GCC2: variants seen among roughly 807,000 people sequenced by gnomAD.
The protein encoded by GCC2 is GRIP and coiled-coil domain-containing protein 2.
In GCC2, 120 loss-of-function variants were observed where a neutral mutation model predicts 210.6. The observed-to-expected ratio is 0.57, with a 90% CI of 0.49 to 0.66. GCC2 has a LOEUF of 0.66. Among genes scored for constraint, GCC2 ranks in the 30% least tolerant of loss-of-function variants. The pLI, the probability that GCC2 is intolerant of heterozygous loss-of-function variation, is 0.00. For synonymous variants in GCC2, 703 were observed against 652.7 expected, an observed-to-expected ratio of 1.08 and a Z score of -1.17; for missense variants, 1,868 against 1,871.9, an observed-to-expected ratio of 1.00 and a Z score of 0.04.
chr2:108,486,345 T>G, intron 15 of GCC2, 166 bp from the exon 16 acceptor site: 1 of 687,398 alleles, frequency 1.5e-6, no homozygotes, highest in East Asian at 2.7e-5. Flanking sequence ...TAGAAAATGT[T>G]CTACTTGTCT....
chr2:108,503,064 A>G (rs1351167335), intron 22 of GCC2, among the ~76,000 whole-genome samples: 1 of 152,202 alleles, frequency 6.6e-6, no homozygotes, highest in African/African-American at 2.4e-5. Flanking sequence ...AGGAGAGAAA[A>G]GAATACAGCA....
At chr2:108,466,609 A>G (rs1005513915) in intron 4 of GCC2, among the ~76,000 whole-genome samples, 7 of 151,688 alleles carry the variant, frequency 4.6e-5, no homozygotes, top group Non-Finnish European at 8.8e-5. Flanking sequence ...AGTAGCTGGG[A>G]GTACAGGCGC....
intron 9 of GCC2, among the ~76,000 whole-genome samples, chr2:108,477,523 A>G (rs1359076926): frequency 1.3e-5 from 2 of 152,226 alleles, no homozygotes; most frequent in African/African-American, 4.8e-5. Flanking sequence ...GTCTCGTTCC[A>G]GATCTATTGT....
intron 12 of GCC2, among the ~76,000 whole-genome samples, chr2:108,483,587 T>A (rs1345213855): frequency 1.3e-5 from 2 of 152,216 alleles, no homozygotes; most frequent in African/African-American, 4.8e-5. Context: ...CTTGTGGTAC[T>A]AAAATAATGC....
intron 4 of GCC2, among the ~76,000 whole-genome samples, chr2:108,464,804 G>T (rs1573359787): frequency 6.6e-6 from 1 of 152,206 alleles, no homozygotes; most frequent in Non-Finnish European, 1.5e-5. Context: ...TAATTAATAA[G>T]AAAAGAGGTT....
At chr2:108,465,969 A>G (rs1053514330) in intron 4 of GCC2, among the ~76,000 whole-genome samples, 20 of 152,078 alleles carry the variant, frequency 1.3e-4, no homozygotes, top group African/African-American at 4.3e-4. Flanking sequence ...GTTCTCCCTC[A>G]GTCTCCTGTG....
In GCC2 at chr2:108,484,364, G is replaced by A. The variant is rs1420401942; in HGVS notation, c.3613+53G>A. On this transcript the variant is annotated intron_variant, in intron 13 of 22. Transcript: ENST00000309863. ...TTTAATTATTTCATCATAACAACTT[G>A]ATTTGGTGGGGGGCATTACTTGTTT... 3 of 1,012,042 alleles carry A rather than the reference G, an allele frequency of 3.0e-6. No homozygotes were observed. In the African/African-American group the frequency reaches 4.9e-5, roughly 17 times the overall value. The allele number at this position is 1,012,042 out of a possible 1,614,324, so 62.7% of individuals were successfully genotyped here.
intron 9 of GCC2, among the ~76,000 whole-genome samples, chr2:108,481,285 C>G (rs1320779240): frequency 6.6e-6 from 1 of 152,154 alleles, no homozygotes; most frequent in African/African-American, 2.4e-5. Context: ...TAGGTCAGGC[C>G]TGGAATATTT....
intron 4 of GCC2, among the ~76,000 whole-genome samples, chr2:108,467,811 T>C (rs1680982170): frequency 6.6e-6 from 1 of 152,220 alleles, no homozygotes; most frequent in Admixed American, 6.5e-5. Flanking sequence ...TCTTGCTTTT[T>C]ATTTTGTCTA....
At chr2:108,488,142 G>C (rs930067781) in intron 17 of GCC2, among the ~76,000 whole-genome samples, 2 of 151,972 alleles carry the variant, frequency 1.3e-5, no homozygotes, top group Admixed American at 1.3e-4. Context: ...CCTGACCTCA[G>C]ATGATCCACC....
chr2:108,471,185 G>A lies in GCC2; in HGVS notation c.1856G>A (p.Arg619Lys). 1 of 1,603,496 alleles carries A rather than the reference G, an allele frequency of 6.2e-7. No homozygotes were observed. The highest frequency in any genetic ancestry group is 8.5e-7 in the Non-Finnish European group (1 of 1,175,194). The change falls in exon 6 of 23, where the codon AGG becomes AAG. Residue 619 changes from arginine to lysine, a missense_variant. Physicochemically the swap from Arg to Lys is conservative, Grantham distance 26. Around this residue, in one of 3 missense-constraint regions of GCC2, gnomAD observed 1,847 missense variants for 1,765.2 expected, o/e 1.05. Transcript: ENST00000309863. ...GATAATTTCCATAAGAAATGTGAAAGGGAAGAAAGATTGATTCTTGAACTT... is the reference window on the plus strand; with the variant it reads ...GATAATTTCCATAAGAAATGTGAAAAGGAAGAAAGATTGATTCTTGAACTT... The part of the protein sequence containing the change: ...EMDNFHKKCE[R>K]EERLILELGK...
intron 22 of GCC2, among the ~76,000 whole-genome samples, chr2:108,504,683 A>G (rs1683099530): frequency 6.6e-6 from 1 of 152,178 alleles, no homozygotes; most frequent in Admixed American, 6.5e-5. Flanking sequence ...TGCTCCCCAA[A>G]TAAGTTAGCC....
At chr2:108,486,213 T>G (rs1682132954) in intron 15 of GCC2, among the ~76,000 whole-genome samples, 1 of 152,312 alleles carries the variant, frequency 6.6e-6, no homozygotes, top group South Asian at 2.1e-4. Flanking sequence ...TTTTATATGT[T>G]TGCTATATTT....
intron 13 of GCC2, 48 bp from the exon 14 acceptor site, chr2:108,485,588 G>A (rs752049476): frequency 7.2e-6 from 7 of 978,614 alleles, no homozygotes; most frequent in Middle Eastern, 5.9e-4. Flanking sequence ...TAAATTCACT[G>A]ATAAAAATTG....
Position 108,509,390 on chromosome 2 carries a change from TTAAC to T in GCC2, c.*1762_*1765del, listed in dbSNP as rs1435339289. 3 of 152,224 alleles carry T rather than the reference TTAAC, an allele frequency of 2.0e-5. No individual in the cohort carries two copies. Among genetic ancestry groups the T allele is most frequent in the African/African-American group, 7.2e-5 (3 of 41,460 alleles). The allele number at this position is 152,224 out of a possible 1,614,324, so 9.4% of individuals were successfully genotyped here. On this transcript the variant is annotated 3_prime_UTR_variant, in exon 23 of 23. Coordinates refer to ENST00000309863, the MANE Select transcript of GCC2 (RefSeq NM_181453.4). ...ATTTTAATATTTCTATTAAATATGT[TTAAC>T]TGTATATTTTTATGGCTGCTCTTTT...
chr2:108,476,169 C>T (rs1406170972), intron 9 of GCC2, among the ~76,000 whole-genome samples: 2 of 150,284 alleles, frequency 1.3e-5, no homozygotes, highest in East Asian at 2.0e-4. Flanking sequence ...CAGCAATTCT[C>T]CTGCCACAGG....
intron 17 of GCC2, among the ~76,000 whole-genome samples, chr2:108,489,530 G>C (rs901520973): frequency 2.6e-5 from 4 of 151,558 alleles, no homozygotes. Context: ...AAAAAAAATA[G>C]TGTGAGGTTT....
At chr2:108,449,803 T>C in intron 2 of GCC2, 114 bp downstream of exon 2, 2 of 733,532 alleles carry the variant, frequency 2.7e-6, no homozygotes, top group East Asian at 2.6e-5. Flanking sequence ...ATAGCCTTGC[T>C]CCAAGGGATC....
intron 12 of GCC2, 75 bp downstream of exon 12, chr2:108,483,241 C>A (rs1041144542): frequency 1.4e-5 from 11 of 785,632 alleles, no homozygotes; most frequent in South Asian, 4.6e-5. Context: ...TTGTTCTGTT[C>A]TCTCTGCAAT....
Sources: allele counts gnomAD v4.1 joint callset (sites outside exome capture counted in the v4.1 genomes callset), GRCh38; gene constraint gnomAD v4.1.1; regional missense constraint gnomAD v4.1.1; transcripts MANE v1.5; gene names NCBI Gene and HGNC (gene_info 2026-07-23, HGNC 2026-07-21).